Variants in SBNO1 observed in about 807,000 individuals in gnomAD.
The protein encoded by SBNO1 is protein strawberry notch homolog 1.
In SBNO1, 23 loss-of-function variants were observed where a neutral mutation model predicts 173.6. The observed-to-expected ratio is 0.13, with a 90% CI of 0.10 to 0.19. The LOEUF is 0.19. Among genes scored for constraint, SBNO1 ranks in the 10% least tolerant of loss-of-function variants. SBNO1 has a pLI of 1.00. For missense variants in SBNO1, 1,238 were observed against 1,671.2 expected, an observed-to-expected ratio of 0.74 and a Z score of 4.52; for synonymous variants, 632 against 571.5, an observed-to-expected ratio of 1.11 and a Z score of -1.51.
chr12:123,331,356 G>A lies in SBNO1; in HGVS notation c.929C>T (p.Pro310Leu), dbSNP rs1280271580. ...TAAGAAGCCAGCACGATCTCCATTA[G>A]GTAGGAAAGTTTCATGTTGCTGAAA... is the stretch of plus-strand genomic sequence containing the variant. ...YAAQQHETFL[P>L]NGDRAGFLIG... is the part of the protein sequence containing the mutation. The change falls in exon 8 of 32, where the codon CCT becomes CTT. Residue 310 changes from proline to leucine, a missense_variant. Physicochemically the swap from Pro to Leu is moderately conservative, Grantham distance 98 (BLOSUM62 -3). This residue lies in a region of SBNO1 where 78 missense variants were observed against 103.3 expected (regional missense o/e 0.76). Transcript: ENST00000602398. 1 of 1,613,554 alleles carries A rather than the reference G, an allele frequency of 6.2e-7. No individual in the cohort carries two copies. The highest frequency in any genetic ancestry group is 8.5e-7 in the Non-Finnish European group (1 of 1,179,804).
rs34944099 is a variant in SBNO1 at position 123,294,257 on chromosome 12, GA to G, written c.*1650del. The G allele has an allele frequency of 0.53, 79,887 of 152,086 alleles. 25,319 individuals carry two copies. Among genetic ancestry groups the G allele is most frequent in the East Asian group, 0.7 (3,652 of 5,182 alleles). 9.4% of individuals were successfully genotyped at this position (152,086 alleles called of 1,614,324 possible). ...CAGGCTAAAGGAGACACAAGAGGAT[GA>G]ACGCCCTAAGCTTTCAGCCAGGTTT... On this transcript the variant is annotated 3_prime_UTR_variant, in exon 32 of 32. Coordinates refer to ENST00000602398, the MANE Select transcript of SBNO1 (RefSeq NM_001167856.3).
At chr12:123,350,008 ACT>A (rs1439127102) in intron 2 of SBNO1, among the ~76,000 whole-genome samples, 4 of 151,790 alleles carry the variant, frequency 2.6e-5, no homozygotes, top group Non-Finnish European at 4.4e-5. Context: ...TAATCCCAAC[ACT>A]CTGGGAGGCC....
At chr12:123,364,590 C>T (rs993391084) in intron 1 of SBNO1, 111 bp downstream of exon 1, 39 of 982,608 alleles carry the variant, frequency 4.0e-5, no homozygotes, top group Non-Finnish European at 4.7e-5. Context: ...CAAGCCGGGG[C>T]GAGGTGGCTG....
chr12:123,326,042 G>T, intron 14 of SBNO1, 110 bp downstream of exon 14: 1 of 704,958 alleles, frequency 1.4e-6, no homozygotes, highest in Non-Finnish European at 2.3e-6. Context: ...TTTTTTAGAA[G>T]TTTTACTATC....
At chr12:123,345,163 G>T in intron 4 of SBNO1, 95 bp downstream of exon 4, 1 of 1,055,994 alleles carries the variant, frequency 9.5e-7, no homozygotes, top group Non-Finnish European at 1.4e-6. Context: ...CCCTTTTATG[G>T]CCAGTTCTTT....
chr12:123,296,025 C>A lies in SBNO1; in HGVS notation c.4065G>T (p.Val1355=), dbSNP rs763257917. ...TTGATAGGAGATTTACAAGAGGAGA[C>A]ACACAATTTGCCGGAATGATCAAAC... is the stretch of plus-strand genomic sequence containing the variant. ...IVGLIIPANC[V]SPLVNLLSTS... The change falls in exon 32 of 32, where the codon GTG becomes GTT. Residue 1355 remains valine, a synonymous_variant. Transcript: ENST00000602398. 1.2e-6 allele frequency: 2 copies of A among 1,613,736 alleles called. No individual in the cohort carries two copies. Among genetic ancestry groups the A allele is most frequent in the Non-Finnish European group, 1.7e-6 (2 of 1,179,660 alleles).
At chr12:123,321,038 C>G (rs1869906164) in intron 17 of SBNO1, among the ~76,000 whole-genome samples, 172 bp from the exon 18 acceptor site, 1 of 152,188 alleles carries the variant, frequency 6.6e-6, no homozygotes, top group South Asian at 2.1e-4. Flanking sequence ...CTCCTGGGTT[C>G]AAGCGATTCT....
Position 123,309,232 on chromosome 12 carries a change from C to T in SBNO1, c.3630+78G>A. Reference sequence around the variant, plus strand: ...GCTAAACACAACTGGGAAACAGGTACAAAGTGAAGAGACAATTACAATGCT... The same window carrying T: ...GCTAAACACAACTGGGAAACAGGTATAAAGTGAAGAGACAATTACAATGCT... On this transcript the variant is annotated intron_variant, in intron 28 of 31. Coordinates refer to ENST00000602398, the MANE Select transcript of SBNO1 (RefSeq NM_001167856.3). 3 of 1,037,706 alleles carry T rather than the reference C, an allele frequency of 2.9e-6. No homozygotes were observed. The South Asian group carries it at 4.0e-5, about 14-fold the overall frequency. 64.3% of individuals were successfully genotyped at this position (1,037,706 alleles called of 1,614,324 possible).
intron 14 of SBNO1, 37 bp downstream of exon 14, chr12:123,326,115 A>AG (rs1555248250): frequency 7.0e-7 from 1 of 1,436,202 alleles, no homozygotes; most frequent in East Asian, 2.4e-5. Context: ...AAACAACATA[A>AG]CCCCCAAACA....
chr12:123,353,343 G>A (rs1874095269), intron 1 of SBNO1, among the ~76,000 whole-genome samples: 1 of 152,046 alleles, frequency 6.6e-6, no homozygotes, highest in Admixed American at 6.6e-5. Context: ...GGAAGTGGTA[G>A]AAGATTAGAA....
intron 24 of SBNO1, among the ~76,000 whole-genome samples, chr12:123,312,631 G>C (rs1220170884): frequency 6.6e-6 from 1 of 151,374 alleles, no homozygotes; most frequent in South Asian, 2.1e-4. Flanking sequence ...AGAACCCTTT[G>C]AACCTGGTGG....
intron 1 of SBNO1, among the ~76,000 whole-genome samples, chr12:123,359,569 G>GAT (rs869307073): frequency 1.9e-4 from 25 of 128,436 alleles, no homozygotes; most frequent in Admixed American, 1.0e-3. Context: ...AAAAAAAAAA[G>GAT]ATATATATAT....
chr12:123,360,645 G>A (rs748992039), intron 1 of SBNO1, among the ~76,000 whole-genome samples: 2 of 151,808 alleles, frequency 1.3e-5, no homozygotes, highest in African/African-American at 2.4e-5. Flanking sequence ...GGGTTTCATC[G>A]TGTTAGCCAG....
chr12:123,313,303 T>C (rs1276910039), intron 24 of SBNO1, among the ~76,000 whole-genome samples: 3 of 150,596 alleles, frequency 2.0e-5, no homozygotes, highest in Non-Finnish European at 4.4e-5. Context: ...AATAAATAAA[T>C]AAATAATTTT....
At chr12:123,364,226 C>T (rs1035260956) in intron 1 of SBNO1, 34 of 985,504 alleles carry the variant, frequency 3.5e-5, no homozygotes, top group Non-Finnish European at 4.0e-5. Flanking sequence ...CGCCTGCCTC[C>T]CTCCCTCGCC....
At chr12:123,351,295 A>C (rs564417241) in intron 1 of SBNO1, among the ~76,000 whole-genome samples, 1 of 152,248 alleles carries the variant, frequency 6.6e-6, no homozygotes, top group African/African-American at 2.4e-5. Flanking sequence ...AGGGATTACT[A>C]ACAAGTTTTC....
chr12:123,322,655 C>T (rs1230304456), intron 16 of SBNO1, among the ~76,000 whole-genome samples: 1 of 151,854 alleles, frequency 6.6e-6, no homozygotes, highest in African/African-American at 2.4e-5. Context: ...CCTGTAATCC[C>T]AGCACTTTGG....
rs1871185957 is a variant in SBNO1, at chr12:123,331,346, A to C, written c.939T>G (p.Asp313Glu). The C allele has an allele frequency of 6.2e-7, 1 of 1,613,930 alleles. No individual in the cohort carries two copies. Among genetic ancestry groups the C allele is most frequent in the South Asian group, 1.1e-5 (1 of 91,068 alleles). ...CATCACCTATTAAGAAGCCAGCACG[A>C]TCTCCATTAGGTAGGAAAGTTTCAT... is the stretch of plus-strand genomic sequence containing the variant. ...QQHETFLPNG[D>E]RAGFLIGDGA... The change falls in exon 8 of 32, where the codon GAT (aspartate) becomes GAG (glutamate). Residue 313 changes from aspartate (D) to glutamate (E), a missense_variant. Asp to Glu is a conservative substitution (Grantham distance 45, BLOSUM62 2). This residue lies in a region of SBNO1 where 78 missense variants were observed against 103.3 expected (regional missense o/e 0.76). Coordinates refer to ENST00000602398, the MANE Select transcript of SBNO1 (RefSeq NM_001167856.3).
intron 4 of SBNO1, among the ~76,000 whole-genome samples, chr12:123,342,416 A>T (rs2139045164): frequency 6.6e-6 from 1 of 152,186 alleles, no homozygotes; most frequent in South Asian, 2.1e-4. Context: ...GCGCCACTGC[A>T]CTCCAGCCTG....
Sources: allele counts gnomAD v4.1 joint callset (sites outside exome capture counted in the v4.1 genomes callset), GRCh38; gene constraint gnomAD v4.1.1; regional missense constraint gnomAD v4.1.1; transcripts MANE v1.5; gene names NCBI Gene and HGNC (gene_info 2026-07-23, HGNC 2026-07-21).